The following CUEDC1 variants were observed in gnomAD, a reference collection of about 807,000 sequenced individuals.
CUEDC1 encodes CUE domain containing 1.
CUEDC1 carries 30 observed loss-of-function variants against 43.7 expected under a neutral mutation model. The observed-to-expected ratio is 0.69, with a 90% CI of 0.51 to 0.93. CUEDC1 has a LOEUF of 0.93. Among genes scored for constraint, CUEDC1 ranks in the 40% least tolerant of loss-of-function variants. The probability of loss-of-function intolerance (pLI) is 0.00; values close to 1 mark genes in which losing one functional copy is unlikely to be tolerated. For synonymous variants in CUEDC1, 223 were observed against 223.6 expected (o/e 1.00, Z 0.02); for missense variants, 486 against 549.0 (o/e 0.89, Z 1.15).
chr17:57,899,839 G>A lies in CUEDC1; in HGVS notation c.-315-13960C>T, dbSNP rs73314251. On this transcript the variant is annotated intron_variant, in intron 1 of 10. Coordinates refer to ENST00000577830, the MANE Select transcript of CUEDC1 (RefSeq NM_001271875.2). The stretch of plus-strand genomic sequence containing the variant: ...TACAGTCACTCTTCTATACACACTC[G>A]CTAGTGCGCACTGACAGCACCCTCA... Among the ~76,000 whole-genome samples the A allele has an allele frequency of 6.4e-3, 973 of 152,124 alleles. 9 individuals carry two copies. The highest frequency in any genetic ancestry group is 0.022 in the African/African-American group (930 of 41,472).
At chr17:57,873,496 C>T in intron 4 of CUEDC1, 95 bp downstream of exon 4, 1 of 1,375,142 alleles carries the variant, frequency 7.3e-7, no homozygotes, top group Non-Finnish European at 9.8e-7. Context: ...TGGGTTTAAA[C>T]ATCAGGAAGT....
rs901736410 is a variant in CUEDC1 at position 57,930,343 on chromosome 17, A to G, written c.-316+24882T>C. On this transcript the variant is annotated intron_variant, in intron 1 of 10. Coordinates refer to ENST00000577830, the MANE Select transcript of CUEDC1 (RefSeq NM_001271875.2). This position sits in a 1 kb window ranked among gnomAD's most constrained non-coding sequence, Gnocchi z 4.2. ...AGTCGGACTCCAGCAAAGGCTCACC[A>G]GTTAGCACTGGCTGTGAGGAGGCCA... is the stretch of plus-strand genomic sequence containing the variant. 2.0e-5 allele frequency among the ~76,000 whole-genome samples: 3 copies of G among 152,228 alleles called. No individual in the cohort carries two copies. The highest frequency in any genetic ancestry group is 7.2e-5 in the African/African-American group (3 of 41,466).
In CUEDC1 at chr17:57,930,524, G is replaced by A. The variant is rs772326451; in HGVS notation, c.-316+24701C>T. On this transcript the variant is annotated intron_variant, in intron 1 of 10. Transcript: ENST00000577830. The surrounding 1 kb of genome is among the most constrained non-coding windows in gnomAD (Gnocchi z 4.2). Reference sequence around the variant, plus strand: ...GCTCAGAAGCACTTGCAAACATTGCGAGGAACGCTACCCACAACCACAGCA... The same window carrying A: ...GCTCAGAAGCACTTGCAAACATTGCAAGGAACGCTACCCACAACCACAGCA... 3.9e-5 allele frequency among the ~76,000 whole-genome samples: 6 copies of A among 152,214 alleles called. No homozygotes were observed. Among genetic ancestry groups the A allele is most frequent in the East Asian group, 1.9e-4 (1 of 5,194 alleles).
intron 3 of CUEDC1, among the ~76,000 whole-genome samples, chr17:57,874,771 C>T (rs2074089993): frequency 1.3e-5 from 2 of 152,302 alleles, no homozygotes; most frequent in African/African-American, 4.8e-5. Flanking sequence ...GAATCCCGCC[C>T]GCCCCCTCAC....
intron 1 of CUEDC1, among the ~76,000 whole-genome samples, chr17:57,923,735 T>C (rs143080430): frequency 1.2e-4 from 19 of 152,296 alleles, no homozygotes; most frequent in Non-Finnish European, 2.8e-4. Context: ...CAGGCCCTTC[T>C]GGCTTTGAGG....
At chr17:57,943,268 G>A (rs568583715) in intron 1 of CUEDC1, among the ~76,000 whole-genome samples, 10 of 152,092 alleles carry the variant, frequency 6.6e-5, no homozygotes, top group South Asian at 4.1e-4. Flanking sequence ...CCTAGTGCCC[G>A]CCCTAGGAGA....
chr17:57,910,138 G>T (rs1004148301), intron 1 of CUEDC1, among the ~76,000 whole-genome samples: 1 of 152,074 alleles, frequency 6.6e-6, no homozygotes, highest in South Asian at 2.1e-4. Flanking sequence ...ACAGGCACAC[G>T]CCACCATGGC....
At chr17:57,865,357 C>A (rs1186558786) in intron 10 of CUEDC1, among the ~76,000 whole-genome samples, 1 of 152,150 alleles carries the variant, frequency 6.6e-6, no homozygotes, top group Non-Finnish European at 1.5e-5. Context: ...GGCCAGCTGC[C>A]CAGGCAGAGA....
chr17:57,866,473 C>A lies in CUEDC1; in HGVS notation c.*3+1G>T, dbSNP rs779723278. 24 of 1,613,978 alleles carry A rather than the reference C, an allele frequency of 1.5e-5. No individual in the cohort carries two copies. In the African/African-American group the frequency reaches 2.9e-4, roughly 20 times the overall value. On this transcript the variant is annotated splice_donor_variant, in intron 10 of 10. Transcript: ENST00000577830. LOFTEE classifies it low-confidence loss of function (3UTR_SPLICE). ...TGGGTTGCTATGGCTCCAGGCCTTA[C>A]CTCTTACTGTCCTTCTCGCAGGCCT...
At chr17:57,880,030 A>G (rs1275530015) in intron 2 of CUEDC1, among the ~76,000 whole-genome samples, 2 of 152,232 alleles carry the variant, frequency 1.3e-5, no homozygotes, top group African/African-American at 4.8e-5. Context: ...AAATACAGGC[A>G]GAAACAAATA....
At chr17:57,880,212 C>A (rs140271011) in intron 2 of CUEDC1, among the ~76,000 whole-genome samples, 10 of 152,196 alleles carry the variant, frequency 6.6e-5, no homozygotes, top group Non-Finnish European at 1.2e-4. Flanking sequence ...TCATGTGCTC[C>A]TGTACCCATG....
At position 57,885,301 on chromosome 17, in the gene CUEDC1, G is replaced by A; in HGVS notation, c.264C>T (p.Asn88=). Reference sequence around the variant, plus strand: ...CGCCGCTGCTGCCACCGCCCTCCAGGTTCATCTGCAGCAGCTGGTCGATGG... The same window carrying A: ...CGCCGCTGCTGCCACCGCCCTCCAGATTCATCTGCAGCAGCTGGTCGATGG... ...DATIDQLLQM[N]LEGGGSSGGV... The change falls in exon 2 of 11, where the codon AAC becomes AAT. Residue 88 remains asparagine, a synonymous_variant. Transcript: ENST00000577830. 2 of 1,610,420 alleles carry A rather than the reference G, an allele frequency of 1.2e-6. No homozygotes were observed. Among genetic ancestry groups the A allele is most frequent in the East Asian group, 2.2e-5 (1 of 44,778 alleles).
At chr17:57,948,382 G>A (rs1350537528) in intron 1 of CUEDC1, among the ~76,000 whole-genome samples, 1 of 152,030 alleles carries the variant, frequency 6.6e-6, no homozygotes, top group Non-Finnish European at 1.5e-5. Context: ...AGCACCCCCG[G>A]GTGATGCTGA....
rs145486886 is a variant in CUEDC1 at position 57,946,011 on chromosome 17, A to T, written c.-316+9214T>A. ...CACCTCAAAAATAAAAAATAAAAAA[A>T]AAACACCAAAAAACCATTTGGTAAT... On this transcript the variant is annotated intron_variant, in intron 1 of 10. Transcript: ENST00000577830. Among the ~76,000 whole-genome samples, 626 of 152,262 alleles carry T rather than the reference A, an allele frequency of 4.1e-3. 3 individuals are homozygous for T. Among genetic ancestry groups the T allele is most frequent in the African/African-American group, 0.013 (555 of 41,542 alleles).
At chr17:57,899,284 C>G (rs915782165) in intron 1 of CUEDC1, among the ~76,000 whole-genome samples, 4 of 152,210 alleles carry the variant, frequency 2.6e-5, no homozygotes, top group Non-Finnish European at 2.9e-5. Context: ...GCTCCCTCCA[C>G]CCGGCCTCAG....
At chr17:57,881,219 C>T (rs984315638) in intron 2 of CUEDC1, among the ~76,000 whole-genome samples, 77 of 152,360 alleles carry the variant, frequency 5.1e-4, no homozygotes, top group African/African-American at 1.9e-3. Flanking sequence ...CACGTGCACT[C>T]TGCAGTGCTC....
intron 1 of CUEDC1, among the ~76,000 whole-genome samples, chr17:57,931,916 G>T (rs1020014048): frequency 6.6e-6 from 1 of 152,002 alleles, no homozygotes; most frequent in Admixed American, 6.6e-5. Context: ...TTCCCTACAC[G>T]ATGCCCCCAC....
chr17:57,911,086 G>A (rs1023562887), intron 1 of CUEDC1, among the ~76,000 whole-genome samples: 3 of 152,098 alleles, frequency 2.0e-5, no homozygotes, highest in Non-Finnish European at 2.9e-5. Context: ...CTGCATCAGC[G>A]GTCCTCATGC....
intron 1 of CUEDC1, among the ~76,000 whole-genome samples, chr17:57,926,665 G>C (rs2074750155): frequency 6.6e-6 from 1 of 152,160 alleles, no homozygotes; most frequent in Admixed American, 6.5e-5. Flanking sequence ...ATTTAAAGCT[G>C]TCAAATTCTA....
Sources: gnomAD v4.1 joint callset for allele counts (sites outside exome capture counted in the v4.1 genomes callset) on GRCh38, gnomAD v4.1.1 for gene constraint, Gnocchi (gnomAD v3.1) non-coding constraint, MANE v1.5 for transcripts, NCBI Gene and HGNC (gene_info 2026-07-23, HGNC 2026-07-21) for gene names.